The following P2RY10 variants were observed in gnomAD, a reference collection of about 807,000 sequenced individuals.
P2RY10 encodes P2Y receptor family member 10.
Under a neutral mutation model 12.1 loss-of-function variants are expected in P2RY10, and 4 were observed. The ratio of observed to expected loss-of-function variants is 0.33; its 90% confidence interval spans 0.16 to 0.76. The LOEUF (loss-of-function observed/expected upper bound fraction) is 0.76. P2RY10 is among the 30% of genes least tolerant of loss of function. The probability of loss-of-function intolerance (pLI) is 0.61; values close to 1 mark genes in which losing one functional copy is unlikely to be tolerated. For missense variants in P2RY10, 233 were observed against 264.6 expected (o/e 0.88, Z 0.83); for synonymous variants, 112 against 94.1 (o/e 1.19, Z -1.10).
chrX:78,949,306 T>C (rs758385983), intron 2 of P2RY10, among the ~76,000 whole-genome samples: 9 of 112,304 alleles, frequency 8.0e-5, no homozygotes, highest in African/African-American at 6.5e-5. Context: ...GTCAGATGCA[T>C]AGTCTGCAAA....
intron 3 of P2RY10, among the ~76,000 whole-genome samples, chrX:78,954,054 G>T (rs1029307006): frequency 1.0e-4 from 11 of 110,267 alleles, no homozygotes; most frequent in Non-Finnish European, 1.5e-4. Context: ...ATATTTTTTT[G>T]TAGAGATGAG....
chrX:78,947,033 G>A (rs1852614417), intron 1 of P2RY10, among the ~76,000 whole-genome samples: 1 of 110,710 alleles, frequency 9.0e-6, no homozygotes, highest in East Asian at 2.8e-4. Flanking sequence ...GGTCAACATG[G>A]CGAAACCCCG....
At chrX:78,957,591 C>G (rs756847125) in intron 3 of P2RY10, among the ~76,000 whole-genome samples, 1 of 110,878 alleles carries the variant, frequency 9.0e-6, no homozygotes, top group African/African-American at 3.3e-5. Flanking sequence ...CTGCTCAACC[C>G]CAAATAAATA....
intron 2 of P2RY10, among the ~76,000 whole-genome samples, chrX:78,948,248 C>T (rs1304483124): frequency 8.9e-6 from 1 of 111,831 alleles, no homozygotes; most frequent in Admixed American, 9.5e-5. Context: ...TTATTTTCTA[C>T]CCTTTAACTT....
At position 78,962,923 on chromosome X, in the gene P2RY10, G is replaced by A. The variant is rs1319733156; in HGVS notation, c.*1383G>A. ...TAGAAACTTTTAAGAAGATTTCTGT[G>A]AGCGTAATTGACAATATCTGCATTA... is the stretch of plus-strand genomic sequence containing the variant. On this transcript the variant is annotated 3_prime_UTR_variant, in exon 4 of 4. Coordinates refer to ENST00000171757, the MANE Select transcript of P2RY10 (RefSeq NM_014499.4). 8.9e-6 allele frequency among the ~76,000 whole-genome samples: 1 copy of A among 112,027 alleles called. No individual in the cohort carries two copies. Among genetic ancestry groups the A allele is most frequent in the Non-Finnish European group, 1.9e-5 (1 of 53,170 alleles).
At chrX:78,958,273 G>A (rs776001497) in intron 3 of P2RY10, among the ~76,000 whole-genome samples, 8 of 112,713 alleles carry the variant, frequency 7.1e-5, no homozygotes, top group Non-Finnish European at 1.5e-4. Flanking sequence ...TTGTAGCAAC[G>A]TGGATGGAGC....
chrX:78,961,415 C>G lies in P2RY10; in HGVS notation c.895C>G (p.Leu299Val). 8.3e-7 allele frequency: 1 copy of G among 1,211,116 alleles called. No individual in the cohort carries two copies. Among genetic ancestry groups the G allele is most frequent in the Non-Finnish European group, 1.1e-6 (1 of 894,944 alleles). Reference protein sequence around the residue: ...FCLCLASLCCLLDPILYYFMA... With the variant: ...FCLCLASLCCVLDPILYYFMA... ...CCTGTGCCTTGCAAGTCTCTGCTGC[C>G]TTTTGGATCCAATTCTTTATTACTT... Residue 299 changes from leucine to valine, a missense_variant, in exon 4 of 4, where the codon CTT (leucine) becomes GTT (valine). By Grantham distance (32) the Leu-to-Val change is conservative. Transcript: ENST00000171757.
chrX:78,961,427 A>G lies in P2RY10; in HGVS notation c.907A>G (p.Ile303Val), dbSNP rs769100470. ...LASLCCLLDP[I>V]LYYFMASEFR... ...AAGTCTCTGCTGCCTTTTGGATCCA[A>G]TTCTTTATTACTTTATGGCTTCAGA... The change falls in exon 4 of 4, where the codon ATT (isoleucine) becomes GTT (valine). Residue 303 changes from isoleucine to valine, a missense_variant. Transcript: ENST00000171757. 2.5e-6 allele frequency: 3 copies of G among 1,208,726 alleles called. No individual in the cohort carries two copies. Among genetic ancestry groups the G allele is most frequent in the Admixed American group, 2.2e-5 (1 of 45,682 alleles).
At chrX:78,955,950 T>C (rs1393430920) in intron 3 of P2RY10, among the ~76,000 whole-genome samples, 2 of 111,212 alleles carry the variant, frequency 1.8e-5, no homozygotes, top group Non-Finnish European at 3.8e-5. Flanking sequence ...GAAAAGGAAA[T>C]AGAGTTATTT....
rs2742216 is a variant in P2RY10, at chrX:78,946,587, G to C, written c.-206+1092G>C. Among the ~76,000 whole-genome samples the C allele has an allele frequency of 9.4e-3, 1,054 of 112,112 alleles. 10 individuals carry two copies. Among genetic ancestry groups the C allele is most frequent in the African/African-American group, 0.032 (999 of 30,814 alleles). ...TTTCAGTTGTTCAAATGGATGTGTGGAGTCATTATGATGTATATTAATTGG... is the reference window on the plus strand; with the variant it reads ...TTTCAGTTGTTCAAATGGATGTGTGCAGTCATTATGATGTATATTAATTGG... On this transcript the variant is annotated intron_variant, in intron 1 of 3. Transcript: ENST00000171757.
At position 78,960,639 on chromosome X, in the gene P2RY10, C is replaced by T; in HGVS notation, c.119C>T (p.Thr40Ile). 1 of 1,210,885 alleles carries T rather than the reference C, an allele frequency of 8.3e-7. No individual in the cohort carries two copies. Among genetic ancestry groups the T allele is most frequent in the Non-Finnish European group, 1.1e-6 (1 of 894,865 alleles). Residue 40 changes from threonine (T) to isoleucine (I), a missense_variant, in exon 4 of 4, where the codon ACC (threonine) becomes ATC (isoleucine). By Grantham distance (89) the Thr-to-Ile change is moderately conservative. Transcript: ENST00000171757. ...VKFQYSLYATTYILIFIPGLL... is the reference protein window; with the variant it reads ...VKFQYSLYATIYILIFIPGLL... ...TTTCAATACTCCCTCTATGCAACCA[C>T]CTATATCCTCATATTCATTCCTGGT...
In P2RY10 at chrX:78,960,957, G is replaced by A. The variant is rs920221122; in HGVS notation, c.437G>A (p.Arg146His). 5.0e-6 allele frequency: 6 copies of A among 1,209,745 alleles called. No individual in the cohort carries two copies. The highest frequency in any genetic ancestry group is 6.7e-6 in the Non-Finnish European group (6 of 894,921). The change falls in exon 4 of 4, where the codon CGT becomes CAT. Residue 146 changes from arginine to histidine, a missense_variant. Transcript: ENST00000171757. ...LKPFRARDWK[R>H]RYDVGISAAI... ...CCCTTCAGGGCCAGAGACTGGAAGC[G>A]TAGGTACGATGTGGGCATCAGTGCT...
At chrX:78,960,437 AAG>A in intron 3 of P2RY10, 69 bp from the exon 4 acceptor site, 2 of 793,128 alleles carry the variant, frequency 2.5e-6, no homozygotes, top group South Asian at 5.3e-5. Flanking sequence ...GTAAGTATAA[AAG>A]AGAGATCTAG....
intron 3 of P2RY10, among the ~76,000 whole-genome samples, chrX:78,953,281 A>G (rs895788485): frequency 8.9e-6 from 1 of 111,923 alleles, no homozygotes; most frequent in Admixed American, 9.5e-5. Context: ...TGAGACTAGG[A>G]GAAATGGAAG....
At chrX:78,949,519 G>A (rs1236244276) in intron 2 of P2RY10, among the ~76,000 whole-genome samples, 1 of 111,756 alleles carries the variant, frequency 8.9e-6, no homozygotes, top group Non-Finnish European at 1.9e-5. Context: ...GTCTTCCAAA[G>A]AACATGATTA....
Position 78,961,323 on chromosome X carries a change from T to C in P2RY10, c.803T>C (p.Met268Thr). ...CATATTAACTTTATTTTTTACACCA[T>C]GGTAAAGGAAACCATCATTAGCAGT... ...PYHINFIFYTMVKETIISSCP... is the reference protein window; with the variant it reads ...PYHINFIFYTTVKETIISSCP... Residue 268 changes from methionine (M) to threonine (T), a missense_variant, in exon 4 of 4, where the codon ATG becomes ACG. Transcript: ENST00000171757. The C allele has an allele frequency of 1.7e-6, 2 of 1,210,594 alleles. No individual in the cohort carries two copies. The highest frequency in any genetic ancestry group is 2.2e-6 in the Non-Finnish European group (2 of 894,500).
chrX:78,959,943 G>A (rs765518740), intron 3 of P2RY10, among the ~76,000 whole-genome samples: 3 of 111,854 alleles, frequency 2.7e-5, no homozygotes, highest in African/African-American at 9.8e-5. Flanking sequence ...ATAGAATAAT[G>A]AGGCCACATT....
chrX:78,956,111 G>A (rs1922322045), intron 3 of P2RY10, among the ~76,000 whole-genome samples: 1 of 111,958 alleles, frequency 8.9e-6, no homozygotes, highest in African/African-American at 3.2e-5. Flanking sequence ...AACTTTGAAA[G>A]CAAATCATGA....
chrX:78,958,636 A>T (rs2147271578), intron 3 of P2RY10, among the ~76,000 whole-genome samples: 1 of 112,308 alleles, frequency 8.9e-6, no homozygotes, highest in Non-Finnish European at 1.9e-5. Context: ...TAAATTAAAT[A>T]AATACACCTG....
Sources: allele counts gnomAD v4.1 joint callset (sites outside exome capture counted in the v4.1 genomes callset), GRCh38; gene constraint gnomAD v4.1.1; transcripts MANE v1.5; gene names NCBI Gene and HGNC (gene_info 2026-07-23, HGNC 2026-07-21).